Variants in ZBTB5 observed in about 807,000 individuals in gnomAD.
ZBTB5 encodes zinc finger and BTB domain-containing protein 5.
A neutral mutation model predicts 37.9 loss-of-function variants in ZBTB5; 15 were observed. The ratio of observed to expected loss-of-function variants is 0.40; its 90% confidence interval spans 0.26 to 0.61. The LOEUF (loss-of-function observed/expected upper bound fraction) is 0.61. Ranked by LOEUF, ZBTB5 falls within the 20% of genes least tolerant of loss-of-function variation. The pLI is 0.47. For synonymous variants in ZBTB5, 315 were observed against 312.4 expected, an observed-to-expected ratio of 1.01 and a Z score of -0.09; for missense variants, 708 against 856.8, an observed-to-expected ratio of 0.83 and a Z score of 2.17.
chr9:37,440,479 T>C lies in ZBTB5; in HGVS notation c.*39A>G. 1.3e-6 allele frequency: 2 copies of C among 1,581,408 alleles called. No individual in the cohort carries two copies. The highest frequency in any genetic ancestry group is 1.7e-6 in the Non-Finnish European group (2 of 1,155,996). ...ACTGCTTACCAAAAGAAATTCAGTC[T>C]GACAACTGGCCTCAGCGTTGTCTTG... On this transcript the variant is annotated 3_prime_UTR_variant, in exon 2 of 2. Coordinates refer to ENST00000307750, the MANE Select transcript of ZBTB5 (RefSeq NM_014872.3).
intron 1 of ZBTB5, among the ~76,000 whole-genome samples, chr9:37,455,772 G>A (rs1488702149): frequency 1.3e-5 from 2 of 152,058 alleles, no homozygotes; most frequent in Non-Finnish European, 1.5e-5. Context: ...TCCACTTGTA[G>A]AGACGATATA....
chr9:37,440,842 T>A lies in ZBTB5; in HGVS notation c.1710A>T (p.Ser570=), dbSNP rs540185773. 1.2e-6 allele frequency: 2 copies of A among 1,614,188 alleles called. No homozygotes were observed. The highest frequency in any genetic ancestry group is 8.5e-7 in the Non-Finnish European group (1 of 1,180,028). ...SQLMMNGATS[S]FENGHPSQPG... is the part of the protein sequence containing the mutation. ...GCTGGGAAGGATGGCCATTTTCAAA[T>A]GAGGACGTAGCTCCATTCATCATTA... The change falls in exon 2 of 2, where the codon TCA becomes TCT. Residue 570 remains serine (S), a synonymous_variant. Coordinates refer to ENST00000307750, the MANE Select transcript of ZBTB5 (RefSeq NM_014872.3).
chr9:37,455,177 C>T (rs897477954), intron 1 of ZBTB5, among the ~76,000 whole-genome samples: 5 of 152,102 alleles, frequency 3.3e-5, no homozygotes, highest in Admixed American at 2.0e-4. Context: ...AGCAGACAAA[C>T]AGAATGTGCA....
chr9:37,443,831 G>C (rs1296890171), intron 1 of ZBTB5, among the ~76,000 whole-genome samples: 1 of 152,154 alleles, frequency 6.6e-6, no homozygotes, highest in African/African-American at 2.4e-5. Context: ...GAGGCTGAAG[G>C]GGGAGGATCA....
At chr9:37,446,128 T>G (rs1448887991) in intron 1 of ZBTB5, among the ~76,000 whole-genome samples, 2 of 152,138 alleles carry the variant, frequency 1.3e-5, no homozygotes, top group Non-Finnish European at 2.9e-5. Context: ...TACATAAAAA[T>G]GTATACACAT....
In ZBTB5 at chr9:37,441,204, G is replaced by T. The variant is rs1481934027; in HGVS notation, c.1348C>A (p.Pro450Thr). The change falls in exon 2 of 2, where the codon CCA becomes ACA. Residue 450 changes from proline to threonine, a missense_variant. By Grantham distance (38) the Pro-to-Thr change is conservative (BLOSUM62 -1). Around this residue, in one of 3 missense-constraint regions of ZBTB5, gnomAD observed 639 missense variants for 690.5 expected, o/e 0.93. Coordinates refer to ENST00000307750, the MANE Select transcript of ZBTB5 (RefSeq NM_014872.3). ...GGCCCACCTGCAGGCCCAGCCTCTG[G>T]ACTCAACAAATAGGGGGCCTCACTC... ...LESEAPYLLS[P>T]EAGPAGGPSS... 1.2e-6 allele frequency: 2 copies of T among 1,614,122 alleles called. No individual in the cohort carries two copies. Among genetic ancestry groups the T allele is most frequent in the Non-Finnish European group, 1.7e-6 (2 of 1,180,020 alleles).
At chr9:37,459,780 G>C (rs151177964) in intron 1 of ZBTB5, among the ~76,000 whole-genome samples, 1 of 149,362 alleles carries the variant, frequency 6.7e-6, no homozygotes, top group African/African-American at 2.5e-5. Flanking sequence ...GTGCGATCTC[G>C]GCTCACTGCA....
chr9:37,443,500 G>A (rs982082998), intron 1 of ZBTB5, among the ~76,000 whole-genome samples: 1 of 152,056 alleles, frequency 6.6e-6, no homozygotes, highest in Non-Finnish European at 1.5e-5. Context: ...ACTGGGCAGC[G>A]GATAAAACAA....
chr9:37,464,777 T>C (rs1021117890), intron 1 of ZBTB5, among the ~76,000 whole-genome samples: 5 of 152,244 alleles, frequency 3.3e-5, no homozygotes, highest in Admixed American at 3.3e-4. Context: ...TGGCTCCCGA[T>C]GGCAGTCTGC....
At chr9:37,442,661 T>G in intron 1 of ZBTB5, 106 bp from the exon 2 acceptor site, 1 of 855,980 alleles carries the variant, frequency 1.2e-6, no homozygotes, top group Non-Finnish European at 1.8e-6. Flanking sequence ...GCTTGGACCT[T>G]TGAAGCCCGT....
Position 37,442,104 on chromosome 9 carries a change from C to G in ZBTB5, c.448G>C (p.Gly150Arg). Reference sequence around the variant, plus strand: ...AGGGCTGAGCTCACGATGCTTAGTCCCAGCTGCTGTAGCATAAAGGAGCGC... The same window carrying G: ...AGGGCTGAGCTCACGATGCTTAGTCGCAGCTGCTGTAGCATAAAGGAGCGC... ...MQRSFMLQQL[G>R]LSIVSSALNS... The change falls in exon 2 of 2, where the codon GGA becomes CGA. Residue 150 changes from glycine (G) to arginine (R), a missense_variant. Around this residue, in one of 3 missense-constraint regions of ZBTB5, gnomAD observed 639 missense variants for 690.5 expected, o/e 0.93. Transcript: ENST00000307750. 6.2e-7 allele frequency: 1 copy of G among 1,614,128 alleles called. No individual in the cohort carries two copies. Among genetic ancestry groups the G allele is most frequent in the South Asian group, 1.1e-5 (1 of 91,092 alleles).
intron 1 of ZBTB5, among the ~76,000 whole-genome samples, chr9:37,464,868 G>A (rs1824361744): frequency 6.6e-6 from 1 of 152,210 alleles, no homozygotes; most frequent in Non-Finnish European, 1.5e-5. Flanking sequence ...ACCACATCCC[G>A]CAGGGCAGCA....
In ZBTB5 at chr9:37,441,396, T is replaced by C. The variant is rs1159363041; in HGVS notation, c.1156A>G (p.Thr386Ala). Residue 386 changes from threonine to alanine, a missense_variant, in exon 2 of 2, where the codon ACA (threonine) becomes GCA (alanine). Transcript: ENST00000307750. ...DRSFSDPQSS[T>A]DRVGDIHILE... ...ATATGGATATCACCTACCCTGTCTG[T>C]GCTAGACTGGGGATCTGAAAAACTC... 1 of 1,614,068 alleles carries C rather than the reference T, an allele frequency of 6.2e-7. No homozygotes were observed.
At chr9:37,460,965 C>T (rs1824282334) in intron 1 of ZBTB5, among the ~76,000 whole-genome samples, 1 of 152,148 alleles carries the variant, frequency 6.6e-6, no homozygotes, top group South Asian at 2.1e-4. Context: ...TATTATGGTG[C>T]CTTTCCAACA....
intron 1 of ZBTB5, among the ~76,000 whole-genome samples, chr9:37,447,178 AG>A (rs1195242621): frequency 6.6e-6 from 1 of 152,230 alleles, no homozygotes; most frequent in East Asian, 1.9e-4. Context: ...TGGAAGGCAA[AG>A]GGAAAGCAAG....
chr9:37,444,645 G>C (rs1823944135), intron 1 of ZBTB5, among the ~76,000 whole-genome samples: 1 of 152,212 alleles, frequency 6.6e-6, no homozygotes, highest in Admixed American at 6.5e-5. Flanking sequence ...CTTTGCCACA[G>C]CAGCACTAAA....
chr9:37,443,924 C>CA (rs1225879541), intron 1 of ZBTB5, among the ~76,000 whole-genome samples: 6 of 149,168 alleles, frequency 4.0e-5, no homozygotes, highest in Admixed American at 6.7e-5. Context: ...AAACCTGTCT[C>CA]AAAAAAAAAT....
intron 1 of ZBTB5, among the ~76,000 whole-genome samples, chr9:37,450,122 T>TGCCACC (rs1824074925): frequency 6.6e-6 from 1 of 152,168 alleles, no homozygotes; most frequent in South Asian, 2.1e-4. Context: ...TGGCAAATTC[T>TGCCACC]GCCACCGGCT....
At chr9:37,457,860 T>G (rs994687336) in intron 1 of ZBTB5, among the ~76,000 whole-genome samples, 1 of 152,198 alleles carries the variant, frequency 6.6e-6, no homozygotes, top group African/African-American at 2.4e-5. Context: ...GAAAATAGTA[T>G]GGCTAGAAAG....
Sources: allele counts gnomAD v4.1 joint callset (sites outside exome capture counted in the v4.1 genomes callset), GRCh38; gene constraint gnomAD v4.1.1; regional missense constraint gnomAD v4.1.1; transcripts MANE v1.5; gene names NCBI Gene and HGNC (gene_info 2026-07-23, HGNC 2026-07-21).